Variants in TANC2 observed in about 807,000 individuals in gnomAD.
TANC2 encodes the protein tetratricopeptide repeat, ankyrin repeat and coiled-coil containing 2, also known as protein TANC2.
A neutral mutation model predicts 210.5 loss-of-function variants in TANC2; 26 were observed. That is an observed-to-expected ratio of 0.12 (90% CI 0.09 to 0.17). The LOEUF is 0.17. TANC2 is among the 10% of genes least tolerant of loss of function. The probability of loss-of-function intolerance (pLI) is 1.00; values close to 1 mark genes in which losing one functional copy is unlikely to be tolerated. For missense variants in TANC2, 2,129 were observed against 2,608.9 expected (o/e 0.82, Z 4.01); for synonymous variants, 931 against 967.1 (o/e 0.96, Z 0.69).
At chr17:63,080,908 G>A (rs4968752) in intron 3 of TANC2, among the ~76,000 whole-genome samples, 81,282 of 151,944 alleles carry the variant, frequency 0.53, 23,254 homozygotes, top group African/African-American at 0.73. Flanking sequence ...TATCAGAATA[G>A]TGTTGTGAAA....
chr17:63,412,850 TG>T lies in TANC2; in HGVS notation c.3928+142del. On this transcript the variant is annotated intron_variant, in intron 24 of 27. Coordinates refer to ENST00000689528, the Ensembl canonical transcript of TANC2. The surrounding 1 kb of genome is among the most constrained non-coding windows in gnomAD (Gnocchi z 4.2). ...CACCTTAAAAGAAGATTTTTTTTAA[TG>T]ACTGTTGTAGAGAATAACTTGAACT... 1 of 1,030,570 alleles carries T rather than the reference TG, an allele frequency of 9.7e-7. No homozygotes were observed. Among genetic ancestry groups the T allele is most frequent in the Admixed American group, 3.1e-5 (1 of 32,196 alleles). 63.8% of individuals were successfully genotyped at this position (1,030,570 alleles called of 1,614,324 possible).
chr17:63,358,032 T>A lies in TANC2; in HGVS notation c.2582+2642T>A, dbSNP rs1227047555. 2.6e-5 allele frequency among the ~76,000 whole-genome samples: 4 copies of A among 152,188 alleles called. No individual in the cohort carries two copies. The East Asian group carries it at 5.8e-4, about 22-fold the overall frequency. ...AGGCAACACAACATTCTTACCCTTT[T>A]TAGTCCATTTTCCTGGGCTTTCAGC... On this transcript the variant is annotated intron_variant, in intron 14 of 27. Transcript: ENST00000689528.
At chr17:63,290,079 G>A (rs1476883501) in intron 9 of TANC2, among the ~76,000 whole-genome samples, 2 of 152,190 alleles carry the variant, frequency 1.3e-5, no homozygotes, top group Non-Finnish European at 2.9e-5. Flanking sequence ...AGGTTCCCCT[G>A]AGGGCAGGCC....
chr17:63,341,878 C>A (rs957754996), intron 12 of TANC2, among the ~76,000 whole-genome samples: 1 of 152,226 alleles, frequency 6.6e-6, no homozygotes, highest in Non-Finnish European at 1.5e-5. Context: ...CAGTATCCAA[C>A]CTACTTTTCA....
rs1165559850 is a variant in TANC2, at chr17:63,208,919, A to AACCAT, written c.769+7962_769+7963insACCAT. Among the ~76,000 whole-genome samples the AACCAT allele has an allele frequency of 3.0e-4, 45 of 152,274 alleles. No homozygotes were observed. The East Asian group carries it at 5.0e-3, about 17-fold the overall frequency. On this transcript the variant is annotated intron_variant, in intron 7 of 27. Coordinates refer to ENST00000689528, the Ensembl canonical transcript of TANC2. The stretch of plus-strand genomic sequence containing the variant: ...TTTGTGGTTTTCTACATATACAACC[A>AACCAT]TATTGTTTGCAAATAATGACTTTTT...
At chr17:63,239,453 T>C (rs1425780721) in intron 8 of TANC2, among the ~76,000 whole-genome samples, 1 of 152,218 alleles carries the variant, frequency 6.6e-6, no homozygotes, top group East Asian at 1.9e-4. Context: ...ATGTAGCTGA[T>C]AGTGTAATGC....
chr17:63,288,218 C>CTG (rs1241827839), intron 9 of TANC2, among the ~76,000 whole-genome samples: 1 of 152,176 alleles, frequency 6.6e-6, no homozygotes, highest in African/African-American at 2.4e-5. Context: ...TGAATTCTCA[C>CTG]TGCCTTGGTC....
chr17:63,058,938 T>C (rs1317767367), intron 2 of TANC2, among the ~76,000 whole-genome samples: 1 of 152,176 alleles, frequency 6.6e-6, no homozygotes, highest in Non-Finnish European at 1.5e-5. Flanking sequence ...TTGGGTTTCA[T>C]ATCAATTTTT....
At position 62,966,977 on chromosome 17, in the gene TANC2, T is replaced by C. The variant is rs2031378038; in HGVS notation, c.-24+228T>C. 6.6e-6 allele frequency: 1 copy of C among 152,056 alleles called. No individual in the cohort carries two copies. Among genetic ancestry groups the C allele is most frequent in the Admixed American group, 6.5e-5 (1 of 15,276 alleles). 9.4% of individuals were successfully genotyped at this position (152,056 alleles called of 1,614,324 possible). Reference sequence around the variant, plus strand: ...CACTTGGCTGTCACCGAAGATGTCATGGAATTTGGTACCTAGAGCGTCTCT... The same window carrying C: ...CACTTGGCTGTCACCGAAGATGTCACGGAATTTGGTACCTAGAGCGTCTCT... On this transcript the variant is annotated intron_variant, in intron 1 of 27. Transcript: ENST00000689528. This position sits in a 1 kb window ranked among gnomAD's most constrained non-coding sequence, Gnocchi z 5.1.
At chr17:63,193,894 AAACT>A in intron 5 of TANC2, 93 bp from the exon 6 acceptor site, 3 of 1,306,492 alleles carry the variant, frequency 2.3e-6, no homozygotes, top group Non-Finnish European at 3.0e-6. Context: ...TAAAATGTGA[AAACT>A]AAAGAAATGA....
At chr17:63,403,135 G>A (rs1176449602) in intron 19 of TANC2, among the ~76,000 whole-genome samples, 1 of 152,210 alleles carries the variant, frequency 6.6e-6, no homozygotes, top group Non-Finnish European at 1.5e-5. Context: ...TGTCAGACTG[G>A]ACAGTATGGC....
At chr17:63,179,982 A>AG (rs2040723209) in intron 5 of TANC2, among the ~76,000 whole-genome samples, 1 of 151,258 alleles carries the variant, frequency 6.6e-6, no homozygotes, top group Non-Finnish European at 1.5e-5. Context: ...TTAAAAAAAA[A>AG]AAAAAAAAAA....
At chr17:63,182,475 A>G (rs2040820898) in intron 5 of TANC2, 3 of 275,962 alleles carry the variant, frequency 1.1e-5, no homozygotes, top group Non-Finnish European at 2.1e-5. Context: ...TGATGCCTTC[A>G]GGGACATTTT....
chr17:63,099,253 A>C (rs1376652457), exon 4 of TANC2: 1 of 1,608,498 alleles, frequency 6.2e-7, no homozygotes, highest in African/African-American at 1.3e-5. Context: ...GAAGGTATGC[A>C]GCACATTCGG....
At chr17:63,268,004 A>G in intron 9 of TANC2, 131 bp downstream of exon 9, 1 of 1,022,238 alleles carries the variant, frequency 9.8e-7, no homozygotes, top group Non-Finnish European at 1.3e-6. Flanking sequence ...CCATTTTAGC[A>G]TGTGACCAGT....
intron 26 of TANC2, among the ~76,000 whole-genome samples, chr17:63,417,381 G>A (rs1373198188): frequency 6.6e-6 from 1 of 151,984 alleles, no homozygotes. Flanking sequence ...AGTATTTAAG[G>A]GAATACTGAA....
At chr17:63,278,092 G>A (rs1264777776) in intron 9 of TANC2, among the ~76,000 whole-genome samples, 1 of 152,146 alleles carries the variant, frequency 6.6e-6, no homozygotes, top group Non-Finnish European at 1.5e-5. Flanking sequence ...CAAGGCTGCA[G>A]CTTCAGTGAG....
intron 5 of TANC2, among the ~76,000 whole-genome samples, chr17:63,167,086 A>T (rs2040235805): frequency 1.3e-5 from 2 of 152,166 alleles, no homozygotes; most frequent in African/African-American, 2.4e-5. Flanking sequence ...TATGCCATAG[A>T]TGTAATTCTT....
intron 2 of TANC2, among the ~76,000 whole-genome samples, chr17:63,049,413 T>C (rs1335314172): frequency 6.6e-6 from 1 of 152,054 alleles, no homozygotes; most frequent in African/African-American, 2.4e-5. Context: ...AGGGAAGGCA[T>C]GATTGGGGGG....
Sources: gnomAD v4.1 joint callset for allele counts (sites outside exome capture counted in the v4.1 genomes callset) on GRCh38, gnomAD v4.1.1 for gene constraint, Gnocchi (gnomAD v3.1) non-coding constraint, MANE v1.5 for transcripts, NCBI Gene and HGNC (gene_info 2026-07-23, HGNC 2026-07-21) for gene names.